The following ZNF718 variants were observed in gnomAD, a reference collection of about 807,000 sequenced individuals.
ZNF718 encodes the protein zinc finger protein 718.
ZNF718 carries 3 observed loss-of-function variants against 2.6 expected under a neutral mutation model. That is an observed-to-expected ratio of 1.16 (90% CI 0.53 to 3.01). The LOEUF (loss-of-function observed/expected upper bound fraction) is 3.01, where lower values mean the gene tolerates loss of function less well. Among genes scored for constraint, ZNF718 ranks in the 30% most tolerant of loss-of-function variants. The pLI is 0.03. For synonymous variants in ZNF718, 135 were observed against 77.9 expected (o/e 1.73, Z -3.86); for missense variants, 468 against 230.0 (o/e 2.03, Z -6.69).
At chr4:172,667 AAAAT>A (rs1717262395) in intron 3 of ZNF718, among the ~76,000 whole-genome samples, 1 of 152,238 alleles carries the variant, frequency 6.6e-6, no homozygotes. Flanking sequence ...TTCTTCAAAC[AAAAT>A]AAATGATTAA....
rs1048100423 is a variant in ZNF718 at position 162,320 on chromosome 4, A to G, written c.*198A>G. On this transcript the variant is annotated 3_prime_UTR_variant, in exon 4 of 4. Transcript: ENST00000510175. ...GTGGAAAAGCCTTCAAATGCTTGTC[A>G]CATATTACTGAATATAATTCTTACT... The G allele has an allele frequency of 4.2e-6, 2 of 476,972 alleles. No individual in the cohort carries two copies. The highest frequency in any genetic ancestry group is 3.9e-5 in the African/African-American group (2 of 51,670). 29.5% of individuals were successfully genotyped at this position (476,972 alleles called of 1,614,324 possible).
At chr4:184,342 A>G (rs1296653992) in intron 3 of ZNF718, among the ~76,000 whole-genome samples, 1 of 152,180 alleles carries the variant, frequency 6.6e-6, no homozygotes, top group East Asian at 1.9e-4. Context: ...CCAACCTTGC[A>G]TCCCAGGGAT....
intron 3 of ZNF718, among the ~76,000 whole-genome samples, chr4:156,249 G>GTGTT (rs35510639): frequency 0.58 from 88,065 of 151,454 alleles, 25,899 homozygotes; most frequent in East Asian, 0.8. Flanking sequence ...ATAAGTCTCT[G>GTGTT]TGTTTATCTG....
At chr4:198,216 A>G (rs1441410995) in intron 3 of ZNF718, among the ~76,000 whole-genome samples, 1 of 152,138 alleles carries the variant, frequency 6.6e-6, no homozygotes, top group Non-Finnish European at 1.5e-5. Flanking sequence ...AATAAAGTTG[A>G]TGTTGAAGCT....
At position 161,104 on chromosome 4, in the gene ZNF718, A is replaced by G. The variant is rs9684214; in HGVS notation, c.419A>G (p.Lys140Arg). 2,868 of 769,024 alleles carry G rather than the reference A, an allele frequency of 3.7e-3. 61 individuals are homozygous for G. The African/African-American group carries it at 0.043, about 12-fold the overall frequency. 47.6% of individuals were successfully genotyped at this position (769,024 alleles called of 1,614,324 possible). Residue 140 changes from lysine to arginine, a missense_variant, in exon 4 of 4, where the codon AAA becomes AGA. Lys to Arg is a conservative substitution (Grantham distance 26, BLOSUM62 2). Coordinates refer to ENST00000510175, the MANE Select transcript of ZNF718 (RefSeq NM_001039127.6). ...AACCAATGCTTATTAACTACCCAGA[A>G]AAAAACAATTCAATCTAATATATGT... ...RINQCLLTTQKKTIQSNICVK... is the reference protein window; with the variant it reads ...RINQCLLTTQRKTIQSNICVK...
chr4:187,099 T>C (rs1278408437), intron 3 of ZNF718, among the ~76,000 whole-genome samples: 2 of 152,218 alleles, frequency 1.3e-5, no homozygotes, highest in Non-Finnish European at 2.9e-5. Flanking sequence ...GGGTTTTTTG[T>C]TGTCGTTTGT....
chr4:144,774 A>G (rs1357956183), intron 3 of ZNF718, among the ~76,000 whole-genome samples: 2 of 152,128 alleles, frequency 1.3e-5, no homozygotes, highest in African/African-American at 4.8e-5. Context: ...GCTACCGTAA[A>G]TGGAATTACT....
In ZNF718 at chr4:180,228, A is replaced by G. The variant is rs1290677975; in HGVS notation, c.227-20853A>G. On this transcript the variant is annotated intron_variant and NMD_transcript_variant, in intron 3 of 4. Coordinates refer to the ZNF718 transcript ENST00000642529. ...TTCATTCATTGTGTAAGTTACCTAC[A>G]CTTTTTTTGTCAGCTGAAACTAATT... Among the ~76,000 whole-genome samples, 4 of 152,182 alleles carry G rather than the reference A, an allele frequency of 2.6e-5. No individual in the cohort carries two copies. The East Asian group carries it at 5.8e-4, about 22-fold the overall frequency.
chr4:155,369 C>G (rs1393842382), intron 3 of ZNF718, among the ~76,000 whole-genome samples: 1 of 152,170 alleles, frequency 6.6e-6, no homozygotes, highest in Non-Finnish European at 1.5e-5. Context: ...CACAGACACT[C>G]AACACCAGCC....
Position 179,635 on chromosome 4 carries a change from C to T in ZNF718, c.227-21446C>T, listed in dbSNP as rs144479578. ...CCTGTCTCTGGACTCCTGCACATTC[C>T]GAACCATGGAAGGTAGGCAAACCAC... On this transcript the variant is annotated intron_variant and NMD_transcript_variant, in intron 3 of 4. Coordinates refer to the ZNF718 transcript ENST00000642529. Among the ~76,000 whole-genome samples the T allele has an allele frequency of 7.2e-5, 11 of 152,278 alleles. No homozygotes were observed. The East Asian group carries it at 1.2e-3, about 16-fold the overall frequency.
intron 3 of ZNF718, among the ~76,000 whole-genome samples, chr4:171,674 T>C (rs561629362): frequency 1.2e-4 from 18 of 152,278 alleles, no homozygotes; most frequent in Non-Finnish European, 2.4e-4. Flanking sequence ...TGGTGTGCGA[T>C]TTGCTAAGAC....
intron 3 of ZNF718, among the ~76,000 whole-genome samples, chr4:178,084 A>G (rs916273711): frequency 6.6e-6 from 1 of 152,126 alleles, no homozygotes; most frequent in Non-Finnish European, 1.5e-5. Flanking sequence ...TGACATGTAT[A>G]CATCTTTGCA....
intron 3 of ZNF718, among the ~76,000 whole-genome samples, chr4:155,780 GT>G (rs1361967356): frequency 6.6e-6 from 1 of 152,128 alleles, no homozygotes. Flanking sequence ...GGCATAATTT[GT>G]TTTGAAATGT....
chr4:139,663 G>A (rs1190110411), intron 3 of ZNF718, among the ~76,000 whole-genome samples: 2 of 152,132 alleles, frequency 1.3e-5, no homozygotes, highest in South Asian at 4.1e-4. Flanking sequence ...CCAATTCTTT[G>A]TTAAAGACGT....
At chr4:193,858 G>A (rs1553821623) in intron 3 of ZNF718, among the ~76,000 whole-genome samples, 4 of 152,186 alleles carry the variant, frequency 2.6e-5, no homozygotes, top group Non-Finnish European at 5.9e-5. Flanking sequence ...ATCCCCTGGG[G>A]CAGTGGGCCT....
At chr4:168,763 C>T (rs1553817416), downstream of ZNF718, among the ~76,000 whole-genome samples, 1 of 151,950 alleles carries the variant, frequency 6.6e-6, no homozygotes, top group African/African-American at 2.4e-5. Context: ...ATTAGTCTTG[C>T]TAGTGGTCTA....
chr4:191,631 A>G (rs1717695725), intron 3 of ZNF718, among the ~76,000 whole-genome samples: 1 of 152,194 alleles, frequency 6.6e-6, no homozygotes, highest in Non-Finnish European at 1.5e-5. Context: ...CAAAACCAGA[A>G]AAATAAATAT....
chr4:188,061 A>C (rs1333658660), intron 3 of ZNF718, among the ~76,000 whole-genome samples: 3 of 152,128 alleles, frequency 2.0e-5, no homozygotes, highest in African/African-American at 7.2e-5. Context: ...CTGGGGAACC[A>C]CCTTTGTCCC....
chr4:198,430 G>A (rs1281307309), intron 3 of ZNF718, among the ~76,000 whole-genome samples: 19 of 152,160 alleles, frequency 1.2e-4, no homozygotes, highest in Non-Finnish European at 1.9e-4. Context: ...AAGTTCAGGT[G>A]GCAAGAGGGA....
Sources: gnomAD v4.1 joint callset for allele counts (sites outside exome capture counted in the v4.1 genomes callset) on GRCh38, gnomAD v4.1.1 for gene constraint, MANE v1.5 for transcripts, NCBI Gene and HGNC (gene_info 2026-07-23, HGNC 2026-07-21) for gene names.